The following CYP7B1 variants were observed in gnomAD, a reference collection of about 807,000 sequenced individuals.
CYP7B1 encodes cytochrome P450 family 7 subfamily B member 1.
Under a neutral mutation model 42.7 loss-of-function variants are expected in CYP7B1, and 29 were observed. That is an observed-to-expected ratio of 0.68 (90% CI 0.51 to 0.93). CYP7B1 has a LOEUF of 0.93. CYP7B1 is among the 40% of genes least tolerant of loss of function. The pLI, the probability that CYP7B1 is intolerant of heterozygous loss-of-function variation, is 0.00. For missense variants in CYP7B1, 655 were observed against 600.5 expected, an observed-to-expected ratio of 1.09 and a Z score of -0.95; for synonymous variants, 235 against 218.2, an observed-to-expected ratio of 1.08 and a Z score of -0.68.
chr8:64,738,558 A>C (rs1807524314), intron 1 of CYP7B1, among the ~76,000 whole-genome samples: 1 of 152,134 alleles, frequency 6.6e-6, no homozygotes, highest in African/African-American at 2.4e-5. Context: ...GCACACACAC[A>C]CACACACGCA....
At chr8:64,665,744 T>A (rs1806269162) in intron 1 of CYP7B1, among the ~76,000 whole-genome samples, 1 of 151,834 alleles carries the variant, frequency 6.6e-6, no homozygotes, top group Non-Finnish European at 1.5e-5. Context: ...GCCTGGTTAA[T>A]TTTGTATTTT....
intron 1 of CYP7B1, among the ~76,000 whole-genome samples, chr8:64,693,776 T>G (rs1449167941): frequency 6.6e-6 from 1 of 152,188 alleles, no homozygotes; most frequent in Non-Finnish European, 1.5e-5. Flanking sequence ...TATACGTGTG[T>G]GTGTGTAACT....
chr8:64,711,326 G>A (rs572131891), intron 1 of CYP7B1, among the ~76,000 whole-genome samples: 1 of 152,154 alleles, frequency 6.6e-6, no homozygotes, highest in Non-Finnish European at 1.5e-5. Context: ...TGATTTCACA[G>A]CTGCATGGTA....
intron 1 of CYP7B1, among the ~76,000 whole-genome samples, chr8:64,685,039 T>C (rs1209195017): frequency 6.6e-6 from 1 of 152,150 alleles, no homozygotes; most frequent in African/African-American, 2.4e-5. Context: ...TTAAACACAA[T>C]AATACCAAAT....
At chr8:64,690,522 C>A (rs1211954990) in intron 1 of CYP7B1, among the ~76,000 whole-genome samples, 2 of 152,022 alleles carry the variant, frequency 1.3e-5, no homozygotes, top group Admixed American at 6.5e-5. Context: ...AACTATGAGG[C>A]CATAAAAATT....
chr8:64,764,648 C>T (rs1017124832), intron 1 of CYP7B1, among the ~76,000 whole-genome samples: 1 of 152,048 alleles, frequency 6.6e-6, no homozygotes, highest in East Asian at 1.9e-4. Flanking sequence ...ACCCAGTAAC[C>T]CACAGATGGC....
intron 1 of CYP7B1, among the ~76,000 whole-genome samples, chr8:64,710,931 T>A (rs1238197229): frequency 6.6e-6 from 1 of 152,100 alleles, no homozygotes; most frequent in Non-Finnish European, 1.5e-5. Flanking sequence ...TGTAGTAGTT[T>A]AAAATAGGAA....
chr8:64,784,710 C>G (rs1302792642), intron 1 of CYP7B1, among the ~76,000 whole-genome samples: 1 of 152,124 alleles, frequency 6.6e-6, no homozygotes, highest in African/African-American at 2.4e-5. Context: ...GAATAATGTG[C>G]AAATATAACT....
intron 1 of CYP7B1, among the ~76,000 whole-genome samples, chr8:64,731,123 C>T (rs966994637): frequency 3.9e-5 from 6 of 152,078 alleles, no homozygotes; most frequent in Non-Finnish European, 7.4e-5. Context: ...ACCCAGTCTC[C>T]GGTATGTCTT....
At chr8:64,660,263 A>G (rs955034203) in intron 1 of CYP7B1, among the ~76,000 whole-genome samples, 1 of 152,194 alleles carries the variant, frequency 6.6e-6, no homozygotes, top group Non-Finnish European at 1.5e-5. Context: ...AGGATCCATA[A>G]TCTTAGCCTT....
intron 1 of CYP7B1, among the ~76,000 whole-genome samples, chr8:64,758,297 C>T (rs1807836647): frequency 6.6e-6 from 1 of 152,118 alleles, no homozygotes; most frequent in Non-Finnish European, 1.5e-5. Flanking sequence ...AGCCCAGACA[C>T]AGCCTCAGAA....
At position 64,591,814 on chromosome 8, in the gene CYP7B1, G is replaced by A. The variant is rs868671632; in HGVS notation, c.*4828C>T. ...TAGTTTCTGCTGAGTGTTTCATTAC[G>A]TTGGTCATTGATATAAAACAATATT... On this transcript the variant is annotated 3_prime_UTR_variant, in exon 6 of 6. Coordinates refer to ENST00000310193, the MANE Select transcript of CYP7B1 (RefSeq NM_004820.5). 9.9e-5 allele frequency among the ~76,000 whole-genome samples: 15 copies of A among 152,144 alleles called. No individual in the cohort carries two copies. The highest frequency in any genetic ancestry group is 1.0e-4 in the Non-Finnish European group (7 of 68,016).
chr8:64,587,041 A>G (rs559358582), downstream of CYP7B1, among the ~76,000 whole-genome samples: 12 of 152,218 alleles, frequency 7.9e-5, no homozygotes, highest in Non-Finnish European at 1.5e-4. Context: ...GGCTCTTCTG[A>G]TCGACTGGTG....
chr8:64,613,493 C>T lies in CYP7B1; in HGVS notation c.1057+1533G>A, dbSNP rs535275496. Among the ~76,000 whole-genome samples, 34 of 152,184 alleles carry T rather than the reference C, an allele frequency of 2.2e-4. 1 individual carries two copies. The highest frequency in any genetic ancestry group is 8.2e-4 in the African/African-American group (34 of 41,528). ...ATTTGCCTTACTTCCCAGTATGCGT[C>T]ATCTTATTCATAAAATGCAATGGAA... On this transcript the variant is annotated intron_variant, in intron 4 of 5. Transcript: ENST00000310193.
chr8:64,709,528 A>G (rs1286432127), intron 1 of CYP7B1, among the ~76,000 whole-genome samples: 1 of 152,240 alleles, frequency 6.6e-6, no homozygotes, highest in Non-Finnish European at 1.5e-5. Context: ...GTCAATGGTG[A>G]AAATTATTAA....
At chr8:64,782,224 T>C (rs1343093313) in intron 1 of CYP7B1, among the ~76,000 whole-genome samples, 3 of 152,142 alleles carry the variant, frequency 2.0e-5, no homozygotes, top group East Asian at 1.9e-4. Context: ...TTGCCAGCTA[T>C]GATCTGCCTT....
At chr8:64,716,323 A>AATGTTTC (rs1476667414) in intron 1 of CYP7B1, among the ~76,000 whole-genome samples, 4 of 152,208 alleles carry the variant, frequency 2.6e-5, no homozygotes, top group Non-Finnish European at 1.5e-5. Flanking sequence ...TTCTCTCAGC[A>AATGTTTC]ATGTTTCATA....
chr8:64,742,615 A>G lies in CYP7B1; in HGVS notation c.122+55851T>C, dbSNP rs970829370. Among the ~76,000 whole-genome samples, 7 of 152,166 alleles carry G rather than the reference A, an allele frequency of 4.6e-5. No individual in the cohort carries two copies. The South Asian group carries it at 6.2e-4, about 14-fold the overall frequency. ...TCTGGAAGCTAAAAGTCCAAGATCA[A>G]GGTGTCCACAGGGTTAGTCCAAGAT... On this transcript the variant is annotated intron_variant, in intron 1 of 5. Coordinates refer to ENST00000310193, the MANE Select transcript of CYP7B1 (RefSeq NM_004820.5).
chr8:64,756,698 G>C (rs1318716831), intron 1 of CYP7B1, among the ~76,000 whole-genome samples: 1 of 152,128 alleles, frequency 6.6e-6, no homozygotes, highest in Non-Finnish European at 1.5e-5. Flanking sequence ...ATTTAGCTTG[G>C]AAGGGACCTT....
Sources: gnomAD v4.1 joint callset for allele counts (sites outside exome capture counted in the v4.1 genomes callset) on GRCh38, gnomAD v4.1.1 for gene constraint, MANE v1.5 for transcripts, NCBI Gene and HGNC (gene_info 2026-07-23, HGNC 2026-07-21) for gene names.